PML: variants seen among roughly 807,000 people sequenced by gnomAD.
PML encodes the protein protein PML.
In PML, 28 loss-of-function variants were observed where a neutral mutation model predicts 65.2. That is an observed-to-expected ratio of 0.43 (90% CI 0.32 to 0.59). PML has a LOEUF of 0.59. Ranked by LOEUF, PML falls within the 20% of genes least tolerant of loss-of-function variation. The pLI, the probability that PML is intolerant of heterozygous loss-of-function variation, is 0.08. For missense variants in PML, 1,021 were observed against 1,203.4 expected (o/e 0.85, Z 2.24); for synonymous variants, 500 against 508.8 (o/e 0.98, Z 0.23).
chr15:74,047,814 A>G lies in PML; in HGVS notation c.*2806A>G, dbSNP rs1009253386. On this transcript the variant is annotated 3_prime_UTR_variant, in exon 9 of 9. Coordinates refer to ENST00000268058, the MANE Select transcript of PML (RefSeq NM_033238.3). Reference sequence around the variant, plus strand: ...AAATAAACACATTTTAGATCTTAGAAAAAAACAAAAAAACATGGGCTTGTC... The same window carrying G: ...AAATAAACACATTTTAGATCTTAGAGAAAAACAAAAAAACATGGGCTTGTC... 1.1e-5 allele frequency: 2 copies of G among 176,600 alleles called. No individual in the cohort carries two copies. Among genetic ancestry groups the G allele is most frequent in the African/African-American group, 4.7e-5 (2 of 42,244 alleles). 10.9% of individuals were successfully genotyped at this position (176,600 alleles called of 1,614,324 possible).
chr15:74,020,646 A>T (rs2070795138), intron 2 of PML, among the ~76,000 whole-genome samples: 1 of 152,122 alleles, frequency 6.6e-6, no homozygotes, highest in South Asian at 2.1e-4. Flanking sequence ...AAACAATGTA[A>T]ATGTATTCTG....
intron 4 of PML, among the ~76,000 whole-genome samples, chr15:74,029,294 A>G (rs998117271): frequency 6.6e-6 from 1 of 152,184 alleles, no homozygotes; most frequent in Non-Finnish European, 1.5e-5. Context: ...AACTTATAGT[A>G]TATACATATG....
chr15:74,024,827 C>A, intron 3 of PML, 30 bp from the exon 4 acceptor site: 2 of 1,570,086 alleles, frequency 1.3e-6, no homozygotes, highest in South Asian at 1.1e-5. Context: ...ATGTCCTTGA[C>A]CTGCCTGTGA....
At position 74,015,776 on chromosome 15, in the gene PML, C is replaced by T. The variant is rs76277409; in HGVS notation, c.603-7052C>T. The stretch of plus-strand genomic sequence containing the variant: ...TCACATACACCAGCCTGTCTTTGTG[C>T]TTGTAACAGTCTATAAGGGAAGCAT... On this transcript the variant is annotated intron_variant, in intron 2 of 8. Coordinates refer to ENST00000268058, the MANE Select transcript of PML (RefSeq NM_033238.3). Among the ~76,000 whole-genome samples the T allele has an allele frequency of 1.4e-3, 213 of 152,302 alleles. 1 individual carries two copies. The highest frequency in any genetic ancestry group is 4.8e-3 in the African/African-American group (200 of 41,560).
chr15:74,010,854 G>A (rs2070304056), intron 2 of PML, among the ~76,000 whole-genome samples: 1 of 152,234 alleles, frequency 6.6e-6, no homozygotes, highest in Non-Finnish European at 1.5e-5. Context: ...ATTTATGTGG[G>A]AGGGTCAGGG....
chr15:74,024,873 G>A lies in PML; in HGVS notation c.1200G>A (p.Lys400=). ...GTTCTACAGATGCAGCTGTATCCAAGAAAGCCAGCCCAGAGGCTGCCAGCA... is the reference window on the plus strand; with the variant it reads ...GTTCTACAGATGCAGCTGTATCCAAAAAAGCCAGCCCAGAGGCTGCCAGCA... ...ITQGKDAAVS[K]KASPEAASTP... Residue 400 remains lysine (K), a synonymous_variant, in exon 4 of 9, where the codon AAG becomes AAA. Transcript: ENST00000268058. The A allele has an allele frequency of 1.2e-6, 2 of 1,613,890 alleles. No homozygotes were observed. The highest frequency in any genetic ancestry group is 1.7e-6 in the Non-Finnish European group (2 of 1,179,776).
In PML at chr15:74,034,542, A is replaced by G. The variant is rs1035198184; in HGVS notation, c.1710+12A>G. On this transcript the variant is annotated intron_variant, in intron 7 of 8. Coordinates refer to ENST00000268058, the MANE Select transcript of PML (RefSeq NM_033238.3). Reference sequence around the variant, plus strand: ...ATGCCGAAAACTCGGTGAGTGGCCCAGAAGTTCAGCCCAGGACTCCTGCCT... The same window carrying G: ...ATGCCGAAAACTCGGTGAGTGGCCCGGAAGTTCAGCCCAGGACTCCTGCCT... 8 of 1,614,052 alleles carry G rather than the reference A, an allele frequency of 5.0e-6. No individual in the cohort carries two copies. Among genetic ancestry groups the G allele is most frequent in the Non-Finnish European group, 6.8e-6 (8 of 1,180,024 alleles).
chr15:74,017,771 A>G (rs925449977), intron 2 of PML, among the ~76,000 whole-genome samples: 3 of 152,202 alleles, frequency 2.0e-5, no homozygotes, highest in African/African-American at 7.2e-5. Context: ...TTGACTCTTG[A>G]ACTAGTACCA....
Position 74,037,693 on chromosome 15 carries a change from T to C in PML, c.1710+3163T>C, listed in dbSNP as rs1395532160. 3.0e-6 allele frequency: 3 copies of C among 985,286 alleles called. No homozygotes were observed. The highest frequency in any genetic ancestry group is 1.1e-4 in the East Asian group (1 of 8,822). 61.0% of individuals were successfully genotyped at this position (985,286 alleles called of 1,614,324 possible). On this transcript the variant is annotated intron_variant, in intron 7 of 8. Coordinates refer to ENST00000268058, the MANE Select transcript of PML (RefSeq NM_033238.3). The surrounding 1 kb of genome is among the most constrained non-coding windows in gnomAD (Gnocchi z 4.2). ...CTTGACCGGCGCTGGGCCCGGTCTT[T>C]CCTGGAAAGATCGCCTGCTCGGATG...
chr15:74,000,512 C>T (rs942846124), intron 2 of PML, among the ~76,000 whole-genome samples: 22 of 152,146 alleles, frequency 1.4e-4, no homozygotes, highest in African/African-American at 5.1e-4. Context: ...CACGACATTG[C>T]CCAGACTGGT....
intron 7 of PML, among the ~76,000 whole-genome samples, chr15:74,039,713 G>A (rs1442654713): frequency 1.3e-5 from 2 of 152,208 alleles, no homozygotes; most frequent in African/African-American, 4.8e-5. Flanking sequence ...TTAAAGCTAT[G>A]AATGCCTAAC....
rs1214410311 is a variant in PML, at chr15:74,044,621, C to T, written c.2262C>T (p.Cys754=). 1 of 1,606,640 alleles carries T rather than the reference C, an allele frequency of 6.2e-7. No homozygotes were observed. Residue 754 remains cysteine, a synonymous_variant, in exon 9 of 9, where the codon TGC becomes TGT. Coordinates refer to ENST00000268058, the MANE Select transcript of PML (RefSeq NM_033238.3). ...MAAVLAMRDL[C]RLLEVSPGPQ... Reference sequence around the variant, plus strand: ...CCGTGCTGGCCATGCGTGACCTGTGCCGCCTCCTCGAGGTCTCCCCGGGCC... The same window carrying T: ...CCGTGCTGGCCATGCGTGACCTGTGTCGCCTCCTCGAGGTCTCCCCGGGCC...
chr15:74,035,087 A>G lies in PML; in HGVS notation c.1710+557A>G, dbSNP rs1470150458. 6.6e-6 allele frequency: 8 copies of G among 1,216,062 alleles called. No individual in the cohort carries two copies. The highest frequency in any genetic ancestry group is 1.7e-5 in the Admixed American group (1 of 59,518). The allele number at this position is 1,216,062 out of a possible 1,614,324, so 75.3% of individuals were successfully genotyped here. The stretch of plus-strand genomic sequence containing the variant: ...TGGACTATCACCTGTCCAGGGGAAA[A>G]GGGGATCTGAATAGAGTGAAAGGTT... On this transcript the variant is annotated intron_variant, in intron 7 of 8. Coordinates refer to ENST00000268058, the MANE Select transcript of PML (RefSeq NM_033238.3). This position sits in a 1 kb window ranked among gnomAD's most constrained non-coding sequence, Gnocchi z 4.1.
At chr15:74,038,606 T>G (rs2071626567) in intron 7 of PML, among the ~76,000 whole-genome samples, 1 of 152,136 alleles carries the variant, frequency 6.6e-6, no homozygotes, top group Non-Finnish European at 1.5e-5. Flanking sequence ...TCCAGACCCC[T>G]GGTGCCCCCA....
chr15:74,016,735 T>C (rs570901808), intron 2 of PML, among the ~76,000 whole-genome samples: 59 of 149,312 alleles, frequency 4.0e-4, no homozygotes, highest in African/African-American at 1.4e-3. Flanking sequence ...TTCTTATAAA[T>C]AGTCATGAAG....
intron 2 of PML, among the ~76,000 whole-genome samples, chr15:74,010,108 G>C (rs910335286): frequency 5.3e-5 from 8 of 150,468 alleles, no homozygotes; most frequent in African/African-American, 1.9e-4. Flanking sequence ...TGACCTCCCA[G>C]GCCCAAGTTA....
Position 74,042,914 on chromosome 15 carries a change from C to T in PML, c.1711-75C>T, listed in dbSNP as rs2071724872. On this transcript the variant is annotated intron_variant, in intron 7 of 8. Coordinates refer to ENST00000268058, the MANE Select transcript of PML (RefSeq NM_033238.3). This position sits in a 1 kb window ranked among gnomAD's most constrained non-coding sequence, Gnocchi z 5.3. ...TGCACGCAGATGCTCCCAGCTATAC[C>T]AGCTTGCTAGTGTTCTGCACAGGTG... 6.2e-7 allele frequency: 1 copy of T among 1,610,316 alleles called. No homozygotes were observed. The highest frequency in any genetic ancestry group is 2.2e-5 in the East Asian group (1 of 44,834).
At position 74,044,885 on chromosome 15, in the gene PML, C is replaced by A; in HGVS notation, c.2526C>A (p.Asn842Lys). ...TTLPPAQPAF[N>K]LQALGTYFEG... ...TGCCCCCTGCCCAGCCTGCTTTCAA[C>A]CTGCAGGCTCTGGGCACCTACTTTG... Residue 842 changes from asparagine (N) to lysine (K), a missense_variant, in exon 9 of 9, where the codon AAC becomes AAA. Transcript: ENST00000268058. 3 of 1,613,568 alleles carry A rather than the reference C, an allele frequency of 1.9e-6. No homozygotes were observed. The highest frequency in any genetic ancestry group is 2.5e-6 in the Non-Finnish European group (3 of 1,180,004).
intron 2 of PML, among the ~76,000 whole-genome samples, chr15:74,005,393 A>T (rs2141744591): frequency 6.6e-6 from 1 of 152,200 alleles, no homozygotes; most frequent in South Asian, 2.1e-4. Flanking sequence ...TGTTATATGG[A>T]TATTGGAACT....
Sources: allele counts gnomAD v4.1 joint callset (sites outside exome capture counted in the v4.1 genomes callset), GRCh38; gene constraint gnomAD v4.1.1; non-coding constraint Gnocchi (gnomAD v3.1); transcripts MANE v1.5; gene names NCBI Gene and HGNC (gene_info 2026-07-23, HGNC 2026-07-21).